ANO2: variants seen among roughly 807,000 people sequenced by gnomAD.
The protein encoded by ANO2 is anoctamin-2.
Under a neutral mutation model 124.2 loss-of-function variants are expected in ANO2, and 101 were observed. The observed-to-expected ratio is 0.81, with a 90% CI of 0.69 to 0.96. ANO2 has a LOEUF of 0.96. Ranked by LOEUF, ANO2 falls within the 40% of genes least tolerant of loss-of-function variation. The probability of loss-of-function intolerance (pLI) is 0.00; values close to 1 mark genes in which losing one functional copy is unlikely to be tolerated. For missense variants in ANO2, 1,293 were observed against 1,274.5 expected (o/e 1.01, Z -0.22); for synonymous variants, 486 against 482.5 (o/e 1.01, Z -0.09).
chr12:5,877,206 A>T (rs1006613092), intron 3 of ANO2, among the ~76,000 whole-genome samples: 1 of 152,094 alleles, frequency 6.6e-6, no homozygotes, highest in African/African-American at 2.4e-5. Context: ...GGTCCTTATA[A>T]GTAGAGGAAA....
At chr12:5,779,197 A>G (rs2137131270) in intron 10 of ANO2, among the ~76,000 whole-genome samples, 1 of 152,346 alleles carries the variant, frequency 6.6e-6, no homozygotes, top group South Asian at 2.1e-4. Context: ...ACAGTGTCCA[A>G]TCAAGAGTAC....
chr12:5,678,782 C>T (rs1948364732), intron 14 of ANO2, among the ~76,000 whole-genome samples: 1 of 152,202 alleles, frequency 6.6e-6, no homozygotes, highest in South Asian at 2.1e-4. Context: ...AAAGAAAAAT[C>T]CAGCTTAAAA....
intron 4 of ANO2, among the ~76,000 whole-genome samples, chr12:5,837,126 A>G (rs1370934391): frequency 6.6e-6 from 1 of 152,164 alleles, no homozygotes; most frequent in Non-Finnish European, 1.5e-5. Context: ...GAGGTGAGCC[A>G]AAAGCCTAAG....
At chr12:5,867,899 T>G (rs1955473690) in intron 3 of ANO2, among the ~76,000 whole-genome samples, 1 of 151,774 alleles carries the variant, frequency 6.6e-6, no homozygotes, top group Admixed American at 6.6e-5. Flanking sequence ...AAAAGGGTGG[T>G]TACCAGAGCC....
At chr12:5,715,158 G>A (rs973642130) in intron 14 of ANO2, among the ~76,000 whole-genome samples, 27 of 151,810 alleles carry the variant, frequency 1.8e-4, no homozygotes, top group Admixed American at 7.2e-4. Flanking sequence ...TCCCTTTCTC[G>A]GAAGTCAGAC....
chr12:5,631,849 T>C (rs932521633), intron 16 of ANO2, among the ~76,000 whole-genome samples: 8 of 152,030 alleles, frequency 5.3e-5, no homozygotes, highest in Non-Finnish European at 1.2e-4. Context: ...ATGCTAACTA[T>C]AGGTGCTCTA....
intron 19 of ANO2, 70 bp from the exon 20 acceptor site, chr12:5,599,699 G>T (rs551614132): frequency 2.0e-6 from 3 of 1,533,930 alleles, no homozygotes; most frequent in Non-Finnish European, 2.7e-6. Context: ...ACAGAAAAAA[G>T]AAAAAGAACA....
chr12:5,914,788 T>C (rs1941283292), intron 3 of ANO2, among the ~76,000 whole-genome samples: 1 of 152,176 alleles, frequency 6.6e-6, no homozygotes, highest in African/African-American at 2.4e-5. Flanking sequence ...GAGAGGTCTT[T>C]AGCTAAAAGT....
intron 10 of ANO2, among the ~76,000 whole-genome samples, chr12:5,788,383 C>A (rs977371598): frequency 6.6e-6 from 1 of 152,198 alleles, no homozygotes; most frequent in Non-Finnish European, 1.5e-5. Context: ...TAATAGCTCT[C>A]ACTTTCACTA....
In ANO2 at chr12:5,830,603, G is replaced by A. The variant is rs555765919; in HGVS notation, c.786-114C>T. On this transcript the variant is annotated intron_variant, in intron 5 of 24. Coordinates refer to ENST00000682330, the MANE Select transcript of ANO2 (RefSeq NM_001364791.2). ...GAAAGCAACATAGCAAGACTTATGA[G>A]GTGCACACACACACGATGTTTATGC... is the stretch of plus-strand genomic sequence containing the variant. 4.9e-6 allele frequency: 4 copies of A among 809,106 alleles called. No individual in the cohort carries two copies. The East Asian group carries it at 1.1e-4, about 23-fold the overall frequency. The allele number at this position is 809,106 out of a possible 1,614,324, so 50.1% of individuals were successfully genotyped here.
chr12:5,622,370 G>C (rs550201590), intron 16 of ANO2, among the ~76,000 whole-genome samples: 4 of 152,266 alleles, frequency 2.6e-5, no homozygotes, highest in East Asian at 3.9e-4. Flanking sequence ...AAAACAGCCT[G>C]TGCCTGTGCT....
At chr12:5,564,431 C>CCAA (rs1299975528) in intron 24 of ANO2, 1 of 152,592 alleles carries the variant, frequency 6.6e-6, no homozygotes, top group Non-Finnish European at 1.5e-5. Flanking sequence ...CCAGCTTTAC[C>CCAA]CAACACACTC....
chr12:5,583,862 G>C (rs1012869245), intron 20 of ANO2: 1 of 192,658 alleles, frequency 5.2e-6, no homozygotes, highest in African/African-American at 2.4e-5. Flanking sequence ...ATATCATCAT[G>C]GTGAACAAAG....
chr12:5,657,380 T>C (rs1028403359), intron 14 of ANO2, among the ~76,000 whole-genome samples: 1 of 152,146 alleles, frequency 6.6e-6, no homozygotes, highest in Non-Finnish European at 1.5e-5. Flanking sequence ...TGATTTGATA[T>C]GGCTGGCTTG....
chr12:5,807,395 G>A, intron 7 of ANO2, 27 bp from the exon 8 acceptor site: 1 of 1,545,754 alleles, frequency 6.5e-7, no homozygotes, highest in South Asian at 1.2e-5. Context: ...GATGAAAATA[G>A]TAACTCTGGG....
At chr12:5,922,877 G>A (rs945651863) in intron 1 of ANO2, 73 bp from the exon 2 acceptor site, 1 of 1,371,864 alleles carries the variant, frequency 7.3e-7, no homozygotes, top group African/African-American at 1.5e-5. Context: ...GGTACTGAGT[G>A]TACTCAGACA....
chr12:5,888,489 G>A (rs558536523), intron 3 of ANO2, among the ~76,000 whole-genome samples: 5 of 152,278 alleles, frequency 3.3e-5, no homozygotes, highest in African/African-American at 9.6e-5. Context: ...ATTTTACAGA[G>A]AGCCAATTGG....
intron 4 of ANO2, among the ~76,000 whole-genome samples, chr12:5,837,293 C>CCT (rs770740861): frequency 2.1e-5 from 2 of 95,636 alleles, no homozygotes; most frequent in Non-Finnish European, 3.8e-5. Context: ...ATGCAGATTT[C>CCT]TTTTTTTTTT....
chr12:5,859,786 G>T (rs1172843571), intron 3 of ANO2, among the ~76,000 whole-genome samples: 1 of 152,064 alleles, frequency 6.6e-6, no homozygotes, highest in Non-Finnish European at 1.5e-5. Flanking sequence ...CACCTGCCTT[G>T]GCCTCCCAAA....
Sources: allele counts gnomAD v4.1 joint callset (sites outside exome capture counted in the v4.1 genomes callset), GRCh38; gene constraint gnomAD v4.1.1; transcripts MANE v1.5; gene names NCBI Gene and HGNC (gene_info 2026-07-23, HGNC 2026-07-21).